Variants in NCOA1 observed in about 807,000 individuals in gnomAD.
NCOA1 encodes the protein nuclear receptor coactivator 1.
In NCOA1, 35 loss-of-function variants were observed where a neutral mutation model predicts 150.9. The ratio of observed to expected loss-of-function variants is 0.23; its 90% CI spans 0.18 to 0.31. The LOEUF (loss-of-function observed/expected upper bound fraction) is 0.31, where lower values mean the gene tolerates loss of function less well. NCOA1 is among the 10% of genes least tolerant of loss of function. The pLI is 1.00. For synonymous variants in NCOA1, 590 were observed against 630.0 expected (o/e 0.94, Z 0.95); for missense variants, 1,491 against 1,749.3 (o/e 0.85, Z 2.63).
At chr2:24,622,473 TG>T (rs1353658064) in intron 3 of NCOA1, among the ~76,000 whole-genome samples, 1 of 152,210 alleles carries the variant, frequency 6.6e-6, no homozygotes, top group Non-Finnish European at 1.5e-5. Flanking sequence ...CCTATACTTA[TG>T]ATTATGTCTT....
At chr2:24,559,601 C>A (rs553778210) in intron 1 of NCOA1, among the ~76,000 whole-genome samples, 1 of 152,290 alleles carries the variant, frequency 6.6e-6, no homozygotes, top group Admixed American at 6.5e-5. Flanking sequence ...ATCAACTGGG[C>A]TCTCTCAGCC....
rs569543613 is a variant in NCOA1 at position 24,529,194 on chromosome 2, G to A, written c.-395-35101G>A. On this transcript the variant is annotated intron_variant, in intron 1 of 22. Coordinates refer to ENST00000348332, the MANE Select transcript of NCOA1 (RefSeq NM_003743.5). ...AGCCACCGTGCCGGCCTGATGAAGAGTTTTTGAATTGTTAGAACAAATCAT... is the reference window on the plus strand; with the variant it reads ...AGCCACCGTGCCGGCCTGATGAAGAATTTTTGAATTGTTAGAACAAATCAT... Among the ~76,000 whole-genome samples, 28 of 152,340 alleles carry A rather than the reference G, an allele frequency of 1.8e-4. No homozygotes were observed. The South Asian group carries it at 5.8e-3, about 32-fold the overall frequency.
At chr2:24,630,899 A>G (rs995529597) in intron 3 of NCOA1, among the ~76,000 whole-genome samples, 2 of 152,210 alleles carry the variant, frequency 1.3e-5, no homozygotes, top group Non-Finnish European at 2.9e-5. Context: ...TAAACTTTAT[A>G]CATGTATCGA....
At chr2:24,734,294 A>G (rs1663177404) in intron 17 of NCOA1, among the ~76,000 whole-genome samples, 1 of 152,148 alleles carries the variant, frequency 6.6e-6, no homozygotes, top group Non-Finnish European at 1.5e-5. Context: ...GAAAGAAATT[A>G]TGTCTCCTAA....
intron 13 of NCOA1, among the ~76,000 whole-genome samples, chr2:24,710,090 T>TTTTA: frequency 7.0e-6 from 1 of 142,652 alleles, no homozygotes; most frequent in Admixed American, 7.0e-5. Flanking sequence ...TTTTATTTTA[T>TTTTA]TTATTTATTT....
chr2:24,754,644 C>A (rs1160453505), intron 20 of NCOA1, among the ~76,000 whole-genome samples: 1 of 152,204 alleles, frequency 6.6e-6, no homozygotes, highest in Admixed American at 6.5e-5. Flanking sequence ...CCCCTGGCGC[C>A]TCCTTTCCAT....
intron 3 of NCOA1, among the ~76,000 whole-genome samples, chr2:24,588,076 T>C (rs1008311985): frequency 6.6e-6 from 1 of 152,062 alleles, no homozygotes; most frequent in Non-Finnish European, 1.5e-5. Context: ...AGAGGTGGGC[T>C]TTCCCTCCCC....
At position 24,751,948 on chromosome 2, in the gene NCOA1, G is replaced by A. The variant is rs200732004; in HGVS notation, c.3707-34G>A. On this transcript the variant is annotated intron_variant, in intron 19 of 22. Coordinates refer to ENST00000348332, the MANE Select transcript of NCOA1 (RefSeq NM_003743.5). ...TTTATGGGGTTAATAAATTTATAGT[G>A]TATCAACATAAATTAATTTGTGTCA... is the stretch of plus-strand genomic sequence containing the variant. 317 of 1,578,764 alleles carry A rather than the reference G, an allele frequency of 2.0e-4. No homozygotes were observed. The East Asian group carries it at 6.7e-3, about 34-fold the overall frequency.
At chr2:24,497,159 G>A (rs1445426891) in intron 1 of NCOA1, among the ~76,000 whole-genome samples, 5 of 152,096 alleles carry the variant, frequency 3.3e-5, no homozygotes, top group African/African-American at 1.2e-4. Flanking sequence ...TAGGTGTTAG[G>A]GATGACATTT....
At chr2:24,611,023 G>A (rs1668598366) in intron 3 of NCOA1, among the ~76,000 whole-genome samples, 1 of 152,142 alleles carries the variant, frequency 6.6e-6, no homozygotes, top group Non-Finnish European at 1.5e-5. Flanking sequence ...GTGTGATGCT[G>A]AGGTTTGGGG....
chr2:24,707,972 G>T, intron 13 of NCOA1, 84 bp downstream of exon 13: 1 of 1,440,530 alleles, frequency 6.9e-7, no homozygotes, highest in Non-Finnish European at 9.3e-7. Context: ...GACCAGATAT[G>T]AATTCATACT....
At chr2:24,616,545 G>A (rs962736171) in intron 3 of NCOA1, among the ~76,000 whole-genome samples, 3 of 152,114 alleles carry the variant, frequency 2.0e-5, no homozygotes, top group Non-Finnish European at 4.4e-5. Context: ...AAATGATATC[G>A]GGGATTATAG....
intron 7 of NCOA1, among the ~76,000 whole-genome samples, chr2:24,674,591 G>A (rs1671825179): frequency 6.6e-6 from 1 of 152,052 alleles, no homozygotes; most frequent in Admixed American, 6.6e-5. Flanking sequence ...TCTAATGAGA[G>A]GGTAATATTA....
intron 7 of NCOA1, 144 bp from the exon 8 acceptor site, chr2:24,682,807 C>G (rs1227207544): frequency 2.1e-6 from 1 of 470,266 alleles, no homozygotes; most frequent in African/African-American, 8.5e-5. Flanking sequence ...TTATGTCTCT[C>G]TCTCCTGCGT....
chr2:24,719,152 C>CTAT (rs1364224562), intron 14 of NCOA1, among the ~76,000 whole-genome samples: 11 of 148,894 alleles, frequency 7.4e-5, no homozygotes, highest in African/African-American at 2.7e-4. Flanking sequence ...AACTATAATA[C>CTAT]TATTACATAG....
chr2:24,534,795 T>C lies in NCOA1; in HGVS notation c.-395-29500T>C, dbSNP rs183191189. ...TCTTAATCCTGAGTTCTAATTTGAT[T>C]GCACTGTGGTCTGAGAGACAGTTTG... is the stretch of plus-strand genomic sequence containing the variant. On this transcript the variant is annotated intron_variant, in intron 1 of 22. Coordinates refer to ENST00000348332, the MANE Select transcript of NCOA1 (RefSeq NM_003743.5). Among the ~76,000 whole-genome samples the C allele has an allele frequency of 1.6e-4, 25 of 152,364 alleles. No homozygotes were observed. In the East Asian group the frequency reaches 4.6e-3, roughly 28 times the overall value.
intron 1 of NCOA1, among the ~76,000 whole-genome samples, chr2:24,546,737 G>A (rs534175579): frequency 3.3e-5 from 5 of 152,190 alleles, no homozygotes; most frequent in Non-Finnish European, 5.9e-5. Context: ...GGATTCTTCT[G>A]CTCTGTGTGG....
At chr2:24,704,808 C>G (rs1003320664) in intron 11 of NCOA1, among the ~76,000 whole-genome samples, 6 of 151,886 alleles carry the variant, frequency 4.0e-5, no homozygotes, top group Non-Finnish European at 8.8e-5. Context: ...GTTGATGTTT[C>G]CCAGATTTGG....
At chr2:24,567,111 A>G (rs961938182) in intron 2 of NCOA1, among the ~76,000 whole-genome samples, 3 of 152,234 alleles carry the variant, frequency 2.0e-5, no homozygotes, top group Non-Finnish European at 4.4e-5. Context: ...CTCAGCTACA[A>G]TAAATGGATT....
Sources: gnomAD v4.1 joint callset for allele counts (sites outside exome capture counted in the v4.1 genomes callset) on GRCh38, gnomAD v4.1.1 for gene constraint, MANE v1.5 for transcripts, NCBI Gene and HGNC (gene_info 2026-07-23, HGNC 2026-07-21) for gene names.